TSHZ2: variants seen among roughly 807,000 people sequenced by gnomAD.
TSHZ2 encodes the protein teashirt homolog 2.
Under a neutral mutation model 74.4 loss-of-function variants are expected in TSHZ2, and 21 were observed. That is an observed-to-expected ratio of 0.28 (90% CI 0.20 to 0.41). The LOEUF (loss-of-function observed/expected upper bound fraction) is 0.41, where lower values mean the gene tolerates loss of function less well. Ranked by LOEUF, TSHZ2 falls within the 10% of genes least tolerant of loss-of-function variation. TSHZ2 has a pLI of 1.00. For missense variants in TSHZ2, 1,244 were observed against 1,293.5 expected, an observed-to-expected ratio of 0.96 and a Z score of 0.59; for synonymous variants, 540 against 515.3, an observed-to-expected ratio of 1.05 and a Z score of -0.65.
intron 1 of TSHZ2, among the ~76,000 whole-genome samples, chr20:53,060,240 A>C (rs74986869): frequency 6.6e-6 from 1 of 152,314 alleles, no homozygotes; most frequent in Admixed American, 6.5e-5. Context: ...ATGAAGGAAA[A>C]GATATGCTTT....
intron 2 of TSHZ2, among the ~76,000 whole-genome samples, chr20:53,469,919 A>AAGGAAGGAAGGC (rs1204049846): frequency 4.9e-4 from 50 of 101,320 alleles, no homozygotes; most frequent in African/African-American, 1.7e-3. Flanking sequence ...GGAAGGAAGG[A>AAGGAAGGAAGGC]AGGCAGGCAG....
chr20:53,363,949 A>G (rs1191905899), intron 2 of TSHZ2, among the ~76,000 whole-genome samples: 1 of 152,230 alleles, frequency 6.6e-6, no homozygotes, highest in African/African-American at 2.4e-5. Context: ...GGTGAACAAA[A>G]CAGACAAAAT....
chr20:52,988,294 T>A (rs1345239729), intron 1 of TSHZ2, among the ~76,000 whole-genome samples: 3 of 151,902 alleles, frequency 2.0e-5, no homozygotes, highest in African/African-American at 7.3e-5. Flanking sequence ...CGAGACATCC[T>A]GTAAGCTGGT....
chr20:53,141,334 C>T (rs534353656), intron 1 of TSHZ2, among the ~76,000 whole-genome samples: 39 of 152,322 alleles, frequency 2.6e-4, no homozygotes, highest in African/African-American at 9.4e-4. Flanking sequence ...CCTTCCATCA[C>T]TTCCTCATTA....
chr20:53,073,535 T>C (rs2123206558), intron 1 of TSHZ2, among the ~76,000 whole-genome samples: 1 of 152,398 alleles, frequency 6.6e-6, no homozygotes, highest in African/African-American at 2.4e-5. Context: ...GAGTAATTTC[T>C]AGATGCTGGG....
At chr20:53,065,927 A>G (rs1466686890) in intron 1 of TSHZ2, among the ~76,000 whole-genome samples, 1 of 152,200 alleles carries the variant, frequency 6.6e-6, no homozygotes, top group Non-Finnish European at 1.5e-5. Context: ...GTGTTTACAG[A>G]CATCCAAGAA....
intron 2 of TSHZ2, chr20:53,401,080 G>T (rs1982642783): frequency 6.6e-6 from 1 of 152,204 alleles, no homozygotes; most frequent in South Asian, 2.1e-4. Context: ...CACAGCAGCT[G>T]CCTGGTGTGT....
intron 1 of TSHZ2, chr20:53,206,641 C>T (rs184482884): frequency 5.3e-4 from 80 of 152,314 alleles, no homozygotes; most frequent in African/African-American, 1.7e-3. Context: ...ATCAAGCACT[C>T]CACGGGTAGT....
intron 1 of TSHZ2, among the ~76,000 whole-genome samples, chr20:53,044,566 A>G (rs1197863447): frequency 6.6e-6 from 1 of 152,198 alleles, no homozygotes; most frequent in Non-Finnish European, 1.5e-5. Context: ...TTGCTGAGCC[A>G]AGGACCAAGA....
chr20:53,432,885 C>A (rs1453650379), intron 2 of TSHZ2, among the ~76,000 whole-genome samples: 1 of 152,098 alleles, frequency 6.6e-6, no homozygotes, highest in African/African-American at 2.4e-5. Flanking sequence ...TCCCAACATC[C>A]AGAAGTAGGC....
chr20:53,059,019 T>C (rs905922484), intron 1 of TSHZ2, among the ~76,000 whole-genome samples: 7 of 152,210 alleles, frequency 4.6e-5, no homozygotes, highest in African/African-American at 1.7e-4. Context: ...TTAAGTCTCA[T>C]TGAGTGTATT....
chr20:53,488,816 C>T lies in TSHZ2; in HGVS notation c.*1681C>T. 3.0e-6 allele frequency: 1 copy of T among 331,016 alleles called. No homozygotes were observed. The allele number at this position is 331,016 out of a possible 1,614,324, so 20.5% of individuals were successfully genotyped here. A position where few individuals can be genotyped will look rare whatever the true frequency, so the allele number is the denominator to read the frequency against. On this transcript the variant is annotated 3_prime_UTR_variant, in exon 3 of 3. Coordinates refer to ENST00000371497, the MANE Select transcript of TSHZ2 (RefSeq NM_173485.6). Reference sequence around the variant, plus strand: ...TGTTTTGGAAATTTTGACATGATCCCTAAATTCAACATTGGGATTAAAAAA... The same window carrying T: ...TGTTTTGGAAATTTTGACATGATCCTTAAATTCAACATTGGGATTAAAAAA...
rs752433320 is a variant in TSHZ2 at position 53,255,947 on chromosome 20, A to G, written c.2489A>G (p.Asp830Gly). 8 of 1,614,092 alleles carry G rather than the reference A, an allele frequency of 5.0e-6. 1 individual carries two copies. The South Asian group carries it at 8.8e-5, about 18-fold the overall frequency. The part of the protein sequence containing the change: ...KLEMDVRRFE[D>G]VSSEVSTLHK... ...GAAATGGATGTCAGGCGCTTTGAGG[A>G]TGTCTCCAGTGAAGTCTCAACTTTG... The change falls in exon 2 of 3, where the codon GAT becomes GGT. Residue 830 changes from aspartate to glycine, a missense_variant. Around this residue, in one of 6 missense-constraint regions of TSHZ2, gnomAD observed 562 missense variants for 544.0 expected, o/e 1.03. Coordinates refer to ENST00000371497, the MANE Select transcript of TSHZ2 (RefSeq NM_173485.6). The surrounding 1 kb of genome is among the most constrained non-coding windows in gnomAD (Gnocchi z 4.1).
rs530020553 is a variant in TSHZ2 at position 53,306,899 on chromosome 20, G to A, written c.*8+50328G>A. On this transcript the variant is annotated intron_variant, in intron 2 of 2. Coordinates refer to ENST00000371497, the MANE Select transcript of TSHZ2 (RefSeq NM_173485.6). Reference sequence around the variant, plus strand: ...TAATAGCTGCCATTAGTTGGACACCGACATGCTACCAAGCAATGTGCTAAG... The same window carrying A: ...TAATAGCTGCCATTAGTTGGACACCAACATGCTACCAAGCAATGTGCTAAG... Among the ~76,000 whole-genome samples the A allele has an allele frequency of 2.6e-5, 4 of 152,244 alleles. No homozygotes were observed. The East Asian group carries it at 5.8e-4, about 22-fold the overall frequency.
intron 2 of TSHZ2, among the ~76,000 whole-genome samples, chr20:53,460,079 A>G (rs1985290554): frequency 6.6e-6 from 1 of 151,866 alleles, no homozygotes. Context: ...CGTTCTCTGT[A>G]TTTCCTGAAG....
At chr20:53,139,817 A>G (rs942782352) in intron 1 of TSHZ2, among the ~76,000 whole-genome samples, 1 of 152,184 alleles carries the variant, frequency 6.6e-6, no homozygotes, top group Admixed American at 6.5e-5. Context: ...TCGACTGTTT[A>G]TTAGGATTCA....
At position 53,491,383 on chromosome 20, in the gene TSHZ2, T is replaced by C. The variant is rs1206989725; in HGVS notation, c.*4248T>C. 1.3e-5 allele frequency: 2 copies of C among 152,224 alleles called. No individual in the cohort carries two copies. The highest frequency in any genetic ancestry group is 1.3e-4 in the Admixed American group (2 of 15,270). 9.4% of individuals were successfully genotyped at this position (152,224 alleles called of 1,614,324 possible). On this transcript the variant is annotated 3_prime_UTR_variant, in exon 3 of 3. Transcript: ENST00000371497. ...TCTATGAAATACTTTTAGACAAAGATTGAGCTGGAGAAAGAGATACAAATT... is the reference window on the plus strand; with the variant it reads ...TCTATGAAATACTTTTAGACAAAGACTGAGCTGGAGAAAGAGATACAAATT...
intron 2 of TSHZ2, among the ~76,000 whole-genome samples, chr20:53,278,011 C>T (rs556049191): frequency 2.0e-5 from 3 of 152,218 alleles, no homozygotes; most frequent in African/African-American, 7.2e-5. Flanking sequence ...GTTTGGCCAG[C>T]ACAGAACTTC....
intron 2 of TSHZ2, among the ~76,000 whole-genome samples, chr20:53,289,261 T>G (rs945188647): frequency 6.6e-6 from 1 of 152,246 alleles, no homozygotes; most frequent in Non-Finnish European, 1.5e-5. Context: ...CTGCAAATTG[T>G]GCTGCTATAA....
Sources: allele counts gnomAD v4.1 joint callset (sites outside exome capture counted in the v4.1 genomes callset), GRCh38; gene constraint gnomAD v4.1.1; regional missense constraint gnomAD v4.1.1; non-coding constraint Gnocchi (gnomAD v3.1); transcripts MANE v1.5; gene names NCBI Gene and HGNC (gene_info 2026-07-23, HGNC 2026-07-21).